The following UGT2A1 variants were observed in gnomAD, a reference collection of about 807,000 sequenced individuals.
The protein encoded by UGT2A1 is UDP glucuronosyltransferase family 2 member A1 complex locus.
A neutral mutation model predicts 45.4 loss-of-function variants in UGT2A1; 61 were observed. The ratio of observed to expected loss-of-function variants is 1.34; its 90% CI spans 1.09 to 1.66. The LOEUF is 1.66. Ranked by LOEUF, UGT2A1 falls within the 40% of genes most tolerant of loss-of-function variation. UGT2A1 has a pLI of 0.00. For synonymous variants in UGT2A1, 229 were observed against 196.2 expected (o/e 1.17, Z -1.40); for missense variants, 649 against 574.3 (o/e 1.13, Z -1.33).
intron 3 of UGT2A1, among the ~76,000 whole-genome samples, chr4:69,626,669 TA>T (rs57032839): frequency 0.35 from 53,073 of 151,354 alleles, 9,661 homozygotes; most frequent in African/African-American, 0.43. Context: ...ACAATGTTAC[TA>T]CTAAAGAAAG....
intron 3 of UGT2A1, among the ~76,000 whole-genome samples, chr4:69,614,861 C>T (rs1319109320): frequency 6.6e-6 from 1 of 151,844 alleles, no homozygotes; most frequent in African/African-American, 2.4e-5. Context: ...TTTAATTGAC[C>T]CACAGTTCCA....
At chr4:69,650,374 A>T (rs867807388) in intron 1 of UGT2A1, among the ~76,000 whole-genome samples, 1 of 152,142 alleles carries the variant, frequency 6.6e-6, no homozygotes, top group African/African-American at 2.4e-5. Flanking sequence ...CTGTGACAAA[A>T]ATCACTGTAG....
chr4:69,615,358 T>G (rs993519245), intron 3 of UGT2A1, among the ~76,000 whole-genome samples: 3 of 151,858 alleles, frequency 2.0e-5, no homozygotes, highest in African/African-American at 7.3e-5. Flanking sequence ...AAAGCAAAAA[T>G]GGACAGATGG....
chr4:69,635,283 C>T (rs920975694), intron 3 of UGT2A1, among the ~76,000 whole-genome samples: 7 of 152,096 alleles, frequency 4.6e-5, no homozygotes, highest in African/African-American at 1.7e-4. Flanking sequence ...AGCCAAGTGT[C>T]ACATAGCTTA....
intron 3 of UGT2A1, among the ~76,000 whole-genome samples, chr4:69,610,494 G>A (rs887950194): frequency 2.0e-5 from 3 of 151,976 alleles, no homozygotes; most frequent in African/African-American, 4.8e-5. Context: ...TTAATATTAT[G>A]CACCCTTTAA....
At chr4:69,600,809 T>TGA (rs1719239851) in intron 3 of UGT2A1, among the ~76,000 whole-genome samples, 1 of 145,812 alleles carries the variant, frequency 6.9e-6, no homozygotes, top group South Asian at 2.2e-4. Context: ...GCTATACACT[T>TGA]AAAAAAAAAA....
chr4:69,624,236 AT>A (rs1160836020), intron 3 of UGT2A1, among the ~76,000 whole-genome samples: 9 of 151,494 alleles, frequency 5.9e-5, no homozygotes, highest in African/African-American at 2.2e-4. Context: ...AATGACCTTT[AT>A]TCTCATAATA....
At chr4:69,607,990 A>C (rs1365991653) in intron 3 of UGT2A1, among the ~76,000 whole-genome samples, 1 of 152,240 alleles carries the variant, frequency 6.6e-6, no homozygotes, top group Non-Finnish European at 1.5e-5. Context: ...AACTAGTTCA[A>C]TCATTGTGGA....
intron 1 of UGT2A1, among the ~76,000 whole-genome samples, chr4:69,649,433 G>C (rs1401470048): frequency 6.6e-6 from 1 of 152,042 alleles, no homozygotes; most frequent in Non-Finnish European, 1.5e-5. Flanking sequence ...ATGATTCACT[G>C]ATGTTATTTT....
chr4:69,639,417 T>C (rs570855705), intron 2 of UGT2A1: 2 of 1,613,368 alleles, frequency 1.2e-6, no homozygotes, highest in African/African-American at 1.3e-5. Context: ...CACAGGAGAA[T>C]CGGGATTGGA....
rs1408347789 is a variant in UGT2A1, at chr4:69,594,687, T to G, written c.1094A>C (p.Lys365Thr). 6.2e-7 allele frequency: 1 copy of G among 1,613,350 alleles called. No homozygotes were observed. The highest frequency in any genetic ancestry group is 8.5e-7 in the Non-Finnish European group (1 of 1,179,678). Residue 365 changes from lysine to threonine, a missense_variant, in exon 6 of 7, where the codon AAA becomes ACA. Physicochemically the swap from Lys to Thr is moderately conservative, Grantham distance 78. Transcript: ENST00000286604. ...ACCATGAGTGATAAAAGCTTTGGTTTTGGGATGTCCTAATTTGAGGATGGA... is the reference window on the plus strand; with the variant it reads ...ACCATGAGTGATAAAAGCTTTGGTTGTGGGATGTCCTAATTTGAGGATGGA... Reference protein sequence around the residue: ...IPQNDLLGHPKTKAFITHGGT... With the variant: ...IPQNDLLGHPTTKAFITHGGT...
chr4:69,592,465 G>A (rs1028144124), intron 6 of UGT2A1, among the ~76,000 whole-genome samples: 2 of 152,066 alleles, frequency 1.3e-5, no homozygotes, highest in East Asian at 1.9e-4. Flanking sequence ...CAATAATAGC[G>A]GGAGGGTAAT....
intron 3 of UGT2A1, chr4:69,599,611 G>A: frequency 5.3e-6 from 3 of 563,348 alleles, no homozygotes; most frequent in Non-Finnish European, 8.0e-6. Flanking sequence ...AAGGGAGGAA[G>A]GGAGGAAGGC....
Position 69,647,611 on chromosome 4 carries a change from T to C in UGT2A1, c.34A>G (p.Ile12Val), listed in dbSNP as rs181068260. ...CCAAGAGTGGTTCCTATGAGACTTA[T>C]CTGAAGGGAGAACAGCAGAAGGTTG... ...LNNLLLFSLQISLIGTTLGGN... is the reference protein window; with the variant it reads ...LNNLLLFSLQVSLIGTTLGGN... Residue 12 changes from isoleucine to valine, a missense_variant, in exon 2 of 7, where the codon ATA becomes GTA. Physicochemically the swap from Ile to Val is conservative, Grantham distance 29. Coordinates refer to ENST00000286604, the MANE Select transcript of UGT2A1 (RefSeq NM_001252275.3). 2.9e-5 allele frequency: 47 copies of C among 1,599,270 alleles called. No homozygotes were observed. The highest frequency in any genetic ancestry group is 1.7e-4 in the Admixed American group (10 of 57,590).
At chr4:69,631,671 T>C (rs968838026) in intron 3 of UGT2A1, among the ~76,000 whole-genome samples, 35 of 152,140 alleles carry the variant, frequency 2.3e-4, no homozygotes, top group African/African-American at 8.2e-4. Context: ...ACATGGGCAT[T>C]TCTGGGTGTG....
chr4:69,595,418 T>C (rs535292528), intron 4 of UGT2A1, among the ~76,000 whole-genome samples, 169 bp from the exon 5 acceptor site: 2 of 152,376 alleles, frequency 1.3e-5, no homozygotes, highest in African/African-American at 4.8e-5. Context: ...TGTACCTTTT[T>C]GTAAAGTCTT....
chr4:69,609,444 C>A (rs1296865865), intron 3 of UGT2A1, among the ~76,000 whole-genome samples: 4 of 151,928 alleles, frequency 2.6e-5, no homozygotes, highest in Non-Finnish European at 4.4e-5. Flanking sequence ...AAGTGATATA[C>A]CTTGGCCTCC....
chr4:69,624,194 C>T (rs980451066), intron 3 of UGT2A1, among the ~76,000 whole-genome samples: 3 of 151,444 alleles, frequency 2.0e-5, no homozygotes, highest in Admixed American at 6.6e-5. Flanking sequence ...ATTATTATGT[C>T]TTCTTGATGA....
intron 3 of UGT2A1, among the ~76,000 whole-genome samples, chr4:69,627,491 T>C (rs1447191203): frequency 2.3e-5 from 3 of 129,238 alleles, no homozygotes; most frequent in Non-Finnish European, 4.7e-5. Flanking sequence ...CAGGCAGGCA[T>C]GCAGGAAGGA....
Sources: allele counts gnomAD v4.1 joint callset (sites outside exome capture counted in the v4.1 genomes callset), GRCh38; gene constraint gnomAD v4.1.1; transcripts MANE v1.5; gene names NCBI Gene and HGNC (gene_info 2026-07-23, HGNC 2026-07-21).